DPP7: variants seen among roughly 807,000 people sequenced by gnomAD.
DPP7 encodes the protein dipeptidyl peptidase 7.
DPP7 carries 74 observed loss-of-function variants against 58.8 expected under a neutral mutation model. That is an observed-to-expected ratio of 1.26 (90% confidence interval 1.04 to 1.53). DPP7 has a LOEUF of 1.53. DPP7 is among the 40% of genes most tolerant of loss of function. The probability of loss-of-function intolerance (pLI) is 0.00; values close to 1 mark genes in which losing one functional copy is unlikely to be tolerated. For missense variants in DPP7, 807 were observed against 692.3 expected, an observed-to-expected ratio of 1.17 and a Z score of -1.86; for synonymous variants, 350 against 303.6, an observed-to-expected ratio of 1.15 and a Z score of -1.59.
upstream of DPP7, among the ~76,000 whole-genome samples, chr9:137,117,098 G>A (rs778284130): frequency 7.2e-5 from 11 of 152,334 alleles, no homozygotes; most frequent in African/African-American, 1.7e-4. Context: ...CGGGTCCTCC[G>A]TATACTGAGC....
chr9:137,111,640 A>C, intron 11 of DPP7, 50 bp downstream of exon 11: 2 of 1,590,024 alleles, frequency 1.3e-6, no homozygotes, highest in Non-Finnish European at 1.7e-6. Context: ...CCTGTCTCAA[A>C]AAAAAAACAA....
upstream of DPP7, among the ~76,000 whole-genome samples, chr9:137,117,299 G>A (rs1037612607): frequency 6.6e-5 from 10 of 152,216 alleles, no homozygotes; most frequent in East Asian, 1.7e-3. Context: ...CATCGCCAGG[G>A]CCCTCGTCAG....
Position 137,112,181 on chromosome 9 carries a change from C to A in DPP7, c.981G>T (p.Arg327=). Residue 327 remains arginine, a synonymous_variant, in exon 9 of 13, where the codon CGG becomes CGT. Coordinates refer to ENST00000371579, the MANE Select transcript of DPP7 (RefSeq NM_013379.3). ...TGGGGTCAGCACAGCTGTGGTAGAGCCGGTAGATGTCGTAGCAGTGCTCGG... is the reference window on the plus strand; with the variant it reads ...TGGGGTCAGCACAGCTGTGGTAGAGACGGTAGATGTCGTAGCAGTGCTCGG... ...SGSEHCYDIY[R]LYHSCADPTG... 1 of 1,607,530 alleles carries A rather than the reference C, an allele frequency of 6.2e-7. No homozygotes were observed. Among genetic ancestry groups the A allele is most frequent in the Non-Finnish European group, 8.5e-7 (1 of 1,179,670 alleles).
At chr9:137,112,355 A>G in intron 8 of DPP7, 125 bp from the exon 9 acceptor site, 1 of 805,122 alleles carries the variant, frequency 1.2e-6, no homozygotes, top group Non-Finnish European at 1.9e-6. Flanking sequence ...TGTAGGTCCC[A>G]GTGAGGAAGG....
Position 137,112,503 on chromosome 9 carries a change from G to C in DPP7, c.931+242C>G. 3 of 638,542 alleles carry C rather than the reference G, an allele frequency of 4.7e-6. No individual in the cohort carries two copies. The South Asian group carries it at 6.0e-5, about 13-fold the overall frequency. 39.6% of individuals were successfully genotyped at this position (638,542 alleles called of 1,614,324 possible). On this transcript the variant is annotated intron_variant, in intron 8 of 12. Transcript: ENST00000371579. The stretch of plus-strand genomic sequence containing the variant: ...TTGCCCTCCATGCTGGGGACCCCAG[G>C]GGCCCCTTGGGCAGCACCCACCAAG...
At chr9:137,112,293 CA>C in intron 8 of DPP7, 63 bp from the exon 9 acceptor site, 1 of 1,346,646 alleles carries the variant, frequency 7.4e-7, no homozygotes, top group East Asian at 2.5e-5. Flanking sequence ...CTCCGGCCAC[CA>C]ACCTGTCCCC....
rs372876497 is a variant in DPP7, at chr9:137,113,364, C to T, written c.618G>A (p.Thr206=). 13 of 1,611,324 alleles carry T rather than the reference C, an allele frequency of 8.1e-6. No homozygotes were observed. The highest frequency in any genetic ancestry group is 4.4e-5 in the South Asian group (4 of 91,052). The change falls in exon 5 of 13, where the codon ACG becomes ACA. Residue 206 remains threonine, a synonymous_variant. Transcript: ENST00000371579. ...GAGGACCCCAAGCCTCACTCACCGC[C>T]GTGACGTCCCGGAAGAACTGGTTGG... ...GDSNQFFRDV[T]ADFEGQSPKC...
chr9:137,114,830 C>T (rs1169000796), upstream of DPP7: 9 of 686,914 alleles, frequency 1.3e-5, no homozygotes, highest in Non-Finnish European at 1.8e-5. Flanking sequence ...ACCGTCGCTG[C>T]TTCAGCGCCG....
Position 137,112,776 on chromosome 9 carries a change from G to C in DPP7, c.900C>G (p.Ala300=), listed in dbSNP as rs1238686269. 1.9e-6 allele frequency: 3 copies of C among 1,609,104 alleles called. No homozygotes were observed. The highest frequency in any genetic ancestry group is 1.3e-5 in the African/African-American group (1 of 74,904). The change falls in exon 8 of 13, where the codon GCC becomes GCG. Residue 300 remains alanine, a synonymous_variant. Coordinates refer to ENST00000371579, the MANE Select transcript of DPP7 (RefSeq NM_013379.3). ...GTGCTCGCAGCCCCGTGATCCTCTG[G>C]GCCTCACTCAGCAGCCGATCACAGC... is the stretch of plus-strand genomic sequence containing the variant. ...KVGCDRLLSE[A]QRITGLRALA...
intron 11 of DPP7, 117 bp from the exon 12 acceptor site, chr9:137,111,067 AC>A: frequency 1.0e-6 from 1 of 968,970 alleles, no homozygotes; most frequent in Non-Finnish European, 1.6e-6. Context: ...CCATCAAGCA[AC>A]CAGAGAGAAC....
intron 10 of DPP7, 28 bp from the exon 11 acceptor site, chr9:137,111,782 T>G (rs377463433): frequency 1.9e-6 from 3 of 1,613,494 alleles, no homozygotes; most frequent in African/African-American, 2.7e-5. Context: ...AGTTGTGATG[T>G]GGGCCCCTCA....
chr9:137,110,686 G>A lies in DPP7; in HGVS notation c.1441C>T (p.Gln481Ter). 6.2e-7 allele frequency: 1 copy of A among 1,609,432 alleles called. No individual in the cohort carries two copies. The highest frequency in any genetic ancestry group is 8.5e-7 in the Non-Finnish European group (1 of 1,179,944). The change falls in exon 13 of 13, where the codon CAG becomes TAG. Residue 481 changes from glutamine to a stop codon, truncating the protein, a stop_gained. Coordinates refer to ENST00000371579, the MANE Select transcript of DPP7 (RefSeq NM_013379.3). LOFTEE classifies it low-confidence loss of function (END_TRUNC). ...EWVKAARREQQPALRGGPRLS... is the reference protein window; with the variant it reads ...EWVKAARREQ ...CTGGGCCCCCCACGCAGAGCTGGCT[G>A]CTGCTCACGCCTGGCTGCCTTTACC...
Position 137,110,649 on chromosome 9 carries a change from C to T in DPP7, c.1478G>A (p.Ter493=). 1 of 1,609,764 alleles carries T rather than the reference C, an allele frequency of 6.2e-7. No individual in the cohort carries two copies. The highest frequency in any genetic ancestry group is 1.1e-5 in the South Asian group (1 of 90,980). Residue 493 remains the stop codon, a stop_retained_variant, in exon 13 of 13, where the codon TGA becomes TAA. Coordinates refer to ENST00000371579, the MANE Select transcript of DPP7 (RefSeq NM_013379.3). ...ALRGGPRLSL[*] ...CTTGAGACCCCTCCAGTCCTGTGCT[C>T]AGAGGCTGAGTCTGGGCCCCCCACG...
upstream of DPP7, among the ~76,000 whole-genome samples, chr9:137,117,108 C>T (rs771521802): frequency 6.6e-5 from 10 of 152,178 alleles, no homozygotes; most frequent in East Asian, 1.9e-4. Context: ...GTATACTGAG[C>T]GCCGTCTCCT....
At chr9:137,117,907 C>T (rs549843810), upstream of DPP7, among the ~76,000 whole-genome samples, 10 of 152,228 alleles carry the variant, frequency 6.6e-5, no homozygotes, top group South Asian at 2.1e-3. Flanking sequence ...GACCCCAGCC[C>T]CTGGCACTCA....
chr9:137,111,083 C>T (rs1445332292), intron 11 of DPP7, 133 bp from the exon 12 acceptor site: 7 of 895,248 alleles, frequency 7.8e-6, no homozygotes, highest in South Asian at 1.5e-5. Context: ...GAGAACCAGC[C>T]AGAGACGGAG....
chr9:137,114,539 G>A lies in DPP7; in HGVS notation c.105C>T (p.Phe35=), dbSNP rs375767477. The A allele has an allele frequency of 3.2e-6, 5 of 1,571,722 alleles. No individual in the cohort carries two copies. In the African/African-American group the frequency reaches 6.9e-5, roughly 22 times the overall value. The change falls in exon 2 of 13, where the codon TTC becomes TTT. Residue 35 remains phenylalanine, a synonymous_variant. Coordinates refer to ENST00000371579, the MANE Select transcript of DPP7 (RefSeq NM_013379.3). ...TGAAGTGGTCCAGACGCTGCTGGAA[G>A]AAGCGCTCCTGGAAGCCGGGGTCCG... The part of the protein sequence containing the change: ...RAPDPGFQER[F]FQQRLDHFNF...
intron 10 of DPP7, 32 bp from the exon 11 acceptor site, chr9:137,111,786 C>T: frequency 1.2e-6 from 2 of 1,613,620 alleles, no homozygotes; most frequent in South Asian, 2.2e-5. Flanking sequence ...GTGATGTGGG[C>T]CCCTCACGGG....
Position 137,114,001 on chromosome 9 carries a change from C to G in DPP7, c.349G>C (p.Gly117Arg). ...HRYYGKSLPF[G>R]AQSTQRGHTE... is the part of the protein sequence containing the mutation. ...TGCCCGCGCTGCGTGGACTGCGCACCGAACGGCAGCGACTTCCCGTAGTAG... is the reference window on the plus strand; with the variant it reads ...TGCCCGCGCTGCGTGGACTGCGCACGGAACGGCAGCGACTTCCCGTAGTAG... The change falls in exon 4 of 13, where the codon GGT becomes CGT. Residue 117 changes from glycine (G) to arginine (R), a missense_variant. Physicochemically the swap from Gly to Arg is moderately radical, Grantham distance 125. Transcript: ENST00000371579. 4.6e-6 allele frequency: 7 copies of G among 1,524,674 alleles called. No individual in the cohort carries two copies. The highest frequency in any genetic ancestry group is 6.2e-6 in the Non-Finnish European group (7 of 1,135,030). The allele number at this position is 1,524,674 out of a possible 1,614,324, so 94.4% of individuals were successfully genotyped here. A position where few individuals can be genotyped will look rare whatever the true frequency, so the allele number is the denominator to read the frequency against.
Sources: gnomAD v4.1 joint callset for allele counts (sites outside exome capture counted in the v4.1 genomes callset) on GRCh38, gnomAD v4.1.1 for gene constraint, MANE v1.5 for transcripts, NCBI Gene and HGNC (gene_info 2026-07-23, HGNC 2026-07-21) for gene names.